The following NGLY1 variants were observed in gnomAD, a reference collection of about 807,000 sequenced individuals.
The protein encoded by NGLY1 is peptide-N(4)-(N-acetyl-beta-glucosaminyl)asparagine amidase.
In NGLY1, 68 loss-of-function variants were observed where a neutral mutation model predicts 84.6. The observed-to-expected ratio is 0.80, with a 90% CI of 0.66 to 0.98. The LOEUF (loss-of-function observed/expected upper bound fraction) is 0.98. Among genes scored for constraint, NGLY1 ranks in the 50% least tolerant of loss-of-function variants. The pLI, the probability that NGLY1 is intolerant of heterozygous loss-of-function variation, is 0.00. For synonymous variants in NGLY1, 280 were observed against 275.2 expected, an observed-to-expected ratio of 1.02 and a Z score of -0.17; for missense variants, 779 against 770.2, an observed-to-expected ratio of 1.01 and a Z score of -0.14.
intron 7 of NGLY1, chr3:25,735,080 G>A (rs1349537063): frequency 1.2e-5 from 2 of 161,872 alleles, no homozygotes; most frequent in Non-Finnish European, 1.3e-5. Flanking sequence ...AACTCAAAAT[G>A]GATTGCAGAC....
At chr3:25,780,702 T>C (rs1708374675) in intron 1 of NGLY1, among the ~76,000 whole-genome samples, 1 of 152,136 alleles carries the variant, frequency 6.6e-6, no homozygotes, top group Non-Finnish European at 1.5e-5. Flanking sequence ...AGCTCATTGC[T>C]GCTTAGAACT....
At chr3:25,755,614 C>T (rs1486974913) in intron 3 of NGLY1, 2 of 1,497,894 alleles carry the variant, frequency 1.3e-6, no homozygotes, top group African/African-American at 1.4e-5. Flanking sequence ...TCATAGAACA[C>T]AGCCAATGAA....
intron 8 of NGLY1, among the ~76,000 whole-genome samples, 184 bp from the exon 9 acceptor site, chr3:25,732,667 T>C (rs577617186): frequency 2.0e-5 from 3 of 152,304 alleles, no homozygotes; most frequent in Admixed American, 1.3e-4. Flanking sequence ...AATAATTTTA[T>C]AAATTTTATG....
rs564329603 is a variant in NGLY1 at position 25,746,824 on chromosome 3, T to A, written c.658+4274A>T. Among the ~76,000 whole-genome samples, 5 of 152,286 alleles carry A rather than the reference T, an allele frequency of 3.3e-5. No homozygotes were observed. The South Asian group carries it at 1.0e-3, about 32-fold the overall frequency. On this transcript the variant is annotated intron_variant, in intron 4 of 11. Coordinates refer to ENST00000280700, the MANE Select transcript of NGLY1 (RefSeq NM_018297.4). ...ACTGAAGTTTATTCATTTAGCAACATAATGGTTTTATTTTTTATTTTTTGA... is the reference window on the plus strand; with the variant it reads ...ACTGAAGTTTATTCATTTAGCAACAAAATGGTTTTATTTTTTATTTTTTGA...
At chr3:25,734,716 T>TTAAAA (rs1409684722) in intron 7 of NGLY1, 57 of 845,732 alleles carry the variant, frequency 6.7e-5, no homozygotes, top group Non-Finnish European at 8.1e-5. Context: ...TCTCGAAAAA[T>TTAAAA]TAAAATAAAA....
In NGLY1 at chr3:25,736,064, G is replaced by A. The variant is rs1291471911; in HGVS notation, c.1089C>T (p.Leu363=). ...DACEDVCDKP[L]LYEIGWGKKL... ...TCTTGCCCCATCCTATTTCATAAAG[G>A]AGTGGCTTGTCACAGACATCTTCAC... The change falls in exon 7 of 12, where the codon CTC becomes CTT. Residue 363 remains leucine (L), a synonymous_variant. Transcript: ENST00000280700. 9 of 1,613,694 alleles carry A rather than the reference G, an allele frequency of 5.6e-6. No homozygotes were observed. The highest frequency in any genetic ancestry group is 7.6e-6 in the Non-Finnish European group (9 of 1,179,874).
chr3:25,783,248 G>C lies in NGLY1; in HGVS notation c.131+12C>G. The C allele has an allele frequency of 3.0e-5, 36 of 1,210,522 alleles. No individual in the cohort carries two copies. The highest frequency in any genetic ancestry group is 4.1e-5 in the Non-Finnish European group (35 of 845,328). The allele number at this position is 1,210,522 out of a possible 1,614,324, so 75.0% of individuals were successfully genotyped here. On this transcript the variant is annotated intron_variant, in intron 1 of 11. Transcript: ENST00000280700. The surrounding 1 kb of genome is among the most constrained non-coding windows in gnomAD (Gnocchi z 4.5). ...ACCCCGGTACCCGCCGTCCGACCCCGTTGCCCTGCACCTGAGGATGTTGTC... is the reference window on the plus strand; with the variant it reads ...ACCCCGGTACCCGCCGTCCGACCCCCTTGCCCTGCACCTGAGGATGTTGTC...
chr3:25,780,579 T>C (rs1470186240), intron 1 of NGLY1, among the ~76,000 whole-genome samples: 1 of 152,210 alleles, frequency 6.6e-6, no homozygotes, highest in Non-Finnish European at 1.5e-5. Context: ...GCTTTCACAA[T>C]TGTTTAAAAA....
intron 2 of NGLY1, among the ~76,000 whole-genome samples, chr3:25,773,226 C>A (rs1055444708): frequency 6.6e-6 from 1 of 152,122 alleles, no homozygotes; most frequent in Non-Finnish European, 1.5e-5. Context: ...AATATGTCTT[C>A]CAAACTTTTA....
At chr3:25,756,020 T>C (rs1413917135) in intron 3 of NGLY1, among the ~76,000 whole-genome samples, 1 of 152,234 alleles carries the variant, frequency 6.6e-6, no homozygotes, top group East Asian at 1.9e-4. Context: ...TGATTTCTAA[T>C]CTACATTTAA....
chr3:25,755,080 T>C, intron 3 of NGLY1: 2 of 1,443,520 alleles, frequency 1.4e-6, no homozygotes, highest in South Asian at 2.3e-5. Context: ...CAATTCTGGA[T>C]GATGCAAAAA....
At chr3:25,737,515 A>G in intron 5 of NGLY1, 60 bp from the exon 6 acceptor site, 1 of 1,391,564 alleles carries the variant, frequency 7.2e-7, no homozygotes, top group Middle Eastern at 1.8e-4. Context: ...GAGAATTTAC[A>G]TTACCTCTAT....
rs893764822 is a variant in NGLY1, at chr3:25,749,641, C to T, written c.658+1457G>A. 5 of 1,473,722 alleles carry T rather than the reference C, an allele frequency of 3.4e-6. No homozygotes were observed. The South Asian group carries it at 4.5e-5, about 13-fold the overall frequency. The allele number at this position is 1,473,722 out of a possible 1,614,324, so 91.3% of individuals were successfully genotyped here. ...ACAGGGTTCATAGAAGGTTCAAGAG[C>T]CAGATCTTGATGCCCAACATTAGTT... On this transcript the variant is annotated intron_variant, in intron 4 of 11. Transcript: ENST00000280700.
intron 4 of NGLY1, among the ~76,000 whole-genome samples, chr3:25,750,641 A>G (rs142371328): frequency 1.1e-4 from 17 of 152,212 alleles, no homozygotes; most frequent in African/African-American, 4.1e-4. Context: ...TGTTATATGT[A>G]TTTTACCTCA....
intron 3 of NGLY1, among the ~76,000 whole-genome samples, chr3:25,757,356 C>G (rs929676304): frequency 6.6e-6 from 1 of 152,180 alleles, no homozygotes; most frequent in African/African-American, 2.4e-5. Flanking sequence ...TGTGACCTTA[C>G]TTCACCTCTT....
In NGLY1 at chr3:25,749,764, C is replaced by T. The variant is rs918763376; in HGVS notation, c.658+1334G>A. ...AGCTTGAAGTGCTGCTGATGTGCAA[C>T]AAAACTTACTGTGCTGAGATTGCTC... On this transcript the variant is annotated intron_variant, in intron 4 of 11. Coordinates refer to ENST00000280700, the MANE Select transcript of NGLY1 (RefSeq NM_018297.4). 2.8e-6 allele frequency: 4 copies of T among 1,453,400 alleles called. No individual in the cohort carries two copies. The African/African-American group carries it at 4.2e-5, about 15-fold the overall frequency. 90.0% of individuals were successfully genotyped at this position (1,453,400 alleles called of 1,614,324 possible).
In NGLY1 at chr3:25,744,949, A is replaced by AC. The variant is rs199938272; in HGVS notation, c.659-5151dup. Reference sequence around the variant, plus strand: ...GCTCACCATTAGCTCCAGACTGACTACTTCCATAATTTCTTACATGAGAAA... The same window carrying AC: ...GCTCACCATTAGCTCCAGACTGACTACCTTCCATAATTTCTTACATGAGAAA... On this transcript the variant is annotated intron_variant, in intron 4 of 11. Transcript: ENST00000280700. Among the ~76,000 whole-genome samples, 379 of 152,292 alleles carry AC rather than the reference A, an allele frequency of 2.5e-3. 1 individual carries two copies. Among genetic ancestry groups the AC allele is most frequent in the Middle Eastern group, 0.01 (3 of 294 alleles).
In NGLY1 at chr3:25,777,326, C is replaced by T. The variant is rs1315202991; in HGVS notation, c.246+1248G>A. On this transcript the variant is annotated intron_variant, in intron 2 of 11. Transcript: ENST00000280700. ...AGGAGAATCGCTTGAATCCAGGAGGCGAAGGTTGTGGTAAGCTGAGATTGC... is the reference window on the plus strand; with the variant it reads ...AGGAGAATCGCTTGAATCCAGGAGGTGAAGGTTGTGGTAAGCTGAGATTGC... Among the ~76,000 whole-genome samples, 4 of 134,718 alleles carry T rather than the reference C, an allele frequency of 3.0e-5. No homozygotes were observed. In the East Asian group the frequency reaches 7.1e-4, roughly 24 times the overall value. The allele number at this position is 134,718 out of a possible 152,430, so 88.4% of individuals were successfully genotyped here.
chr3:25,719,471 T>G lies in NGLY1; in HGVS notation c.1954A>C (p.Ser652Arg). 6.2e-7 allele frequency: 1 copy of G among 1,613,600 alleles called. No homozygotes were observed. The highest frequency in any genetic ancestry group is 2.2e-5 in the East Asian group (1 of 44,866). ...TAATGTTCAGGTTCTCAAAGGTCAC[T>G]GAATTTTATAATTATCTCCAAACAA... ...ENCLEIIIKFSDL is the reference protein window; with the variant it reads ...ENCLEIIIKFRDL Residue 652 changes from serine to arginine, a missense_variant, in exon 12 of 12, where the codon AGT becomes CGT. Transcript: ENST00000280700.
Sources: allele counts gnomAD v4.1 joint callset (sites outside exome capture counted in the v4.1 genomes callset), GRCh38; gene constraint gnomAD v4.1.1; non-coding constraint Gnocchi (gnomAD v3.1); transcripts MANE v1.5; gene names NCBI Gene and HGNC (gene_info 2026-07-23, HGNC 2026-07-21).